Variants in CAST observed in about 807,000 individuals in gnomAD.
CAST encodes the protein calpastatin, also known as MIR583 host.
A neutral mutation model predicts 119.6 loss-of-function variants in CAST; 76 were observed. The ratio of observed to expected loss-of-function variants is 0.64; its 90% CI spans 0.53 to 0.77. The LOEUF is 0.77. Ranked by LOEUF, CAST falls within the 30% of genes least tolerant of loss-of-function variation. The pLI, the probability that CAST is intolerant of heterozygous loss-of-function variation, is 0.00. For synonymous variants in CAST, 319 were observed against 331.6 expected (o/e 0.96, Z 0.41); for missense variants, 953 against 946.5 (o/e 1.01, Z -0.09).
At chr5:96,256,017 T>C in the CAST span, among the ~76,000 whole-genome samples, 3 of 152,018 alleles carry the variant, frequency 2.0e-5, no homozygotes, top group African/African-American at 7.2e-5. Context: ...GAGAGCATTC[T>C]GACTGAGAAA....
intron 1 of CAST, among the ~76,000 whole-genome samples, chr5:96,673,352 T>C (rs538899952): frequency 2.0e-5 from 3 of 152,322 alleles, no homozygotes. Flanking sequence ...AATTGGGCAG[T>C]ACTGAAAATC....
intron 1 of CAST, among the ~76,000 whole-genome samples, chr5:96,652,606 G>C (rs376051132): frequency 2.2e-4 from 33 of 152,320 alleles, no homozygotes; most frequent in African/African-American, 7.5e-4. Flanking sequence ...CTGTGTCACA[G>C]AGCCTCCTGA....
At chr5:96,763,394 A>G (rs979336163) in intron 25 of CAST, among the ~76,000 whole-genome samples, 2 of 152,236 alleles carry the variant, frequency 1.3e-5, no homozygotes, top group African/African-American at 4.8e-5. Context: ...AAACACACCC[A>G]CAATGAAGAA....
At chr5:96,585,577 G>T (rs1374652579) in intron 1 of CAST, among the ~76,000 whole-genome samples, 1 of 152,088 alleles carries the variant, frequency 6.6e-6, no homozygotes, top group Non-Finnish European at 1.5e-5. Flanking sequence ...AGCAATATGT[G>T]TTTAGAATGA....
At chr5:96,410,265 C>T in the CAST span, among the ~76,000 whole-genome samples, 3 of 152,142 alleles carry the variant, frequency 2.0e-5, no homozygotes, top group Non-Finnish European at 4.4e-5. Context: ...TACCCAGATG[C>T]TGAGCAGTTC....
the CAST span, among the ~76,000 whole-genome samples, chr5:96,013,499 C>A: frequency 6.6e-6 from 1 of 152,048 alleles, no homozygotes; most frequent in South Asian, 2.1e-4. Flanking sequence ...ATTGATGGTG[C>A]TGGGTTTGTT....
chr5:96,213,825 C>T, the CAST span: 5 of 152,038 alleles, frequency 3.3e-5, no homozygotes, highest in African/African-American at 1.2e-4. Context: ...AGGTCAATCC[C>T]GTTCCATTCC....
intron 1 of CAST, among the ~76,000 whole-genome samples, chr5:96,572,518 T>G (rs1199260248): frequency 7.8e-6 from 1 of 128,884 alleles, no homozygotes; most frequent in Admixed American, 7.2e-5. Context: ...GTGCTATTTT[T>G]ATAACACTTC....
At chr5:95,998,742 G>C in the CAST span, among the ~76,000 whole-genome samples, 1 of 152,094 alleles carries the variant, frequency 6.6e-6, no homozygotes, top group Non-Finnish European at 1.5e-5. Context: ...CCTTGTGATA[G>C]AATGATTTCT....
chr5:96,493,031 A>C, the CAST span, among the ~76,000 whole-genome samples: 5 of 152,372 alleles, frequency 3.3e-5, no homozygotes, highest in African/African-American at 1.2e-4. Context: ...TAAAAGGTCA[A>C]TACAGTAAAG....
At chr5:96,767,389 A>G in intron 27 of CAST, 49 bp from the exon 28 acceptor site, 1 of 1,502,546 alleles carries the variant, frequency 6.7e-7, no homozygotes, top group Non-Finnish European at 9.3e-7. Flanking sequence ...AACCTAAGTA[A>G]ACCTTTACAG....
rs561755974 is a variant in CAST at position 96,552,787 on chromosome 5, T to A, written c.60+22907T>A. On this transcript the variant is annotated intron_variant, in intron 1 of 11. Coordinates refer to the CAST transcript ENST00000505143. Reference sequence around the variant, plus strand: ...TCAGAGAATACTATAAACACCTCTATGCAAATAAACTAGAAAATCTAAAAG... The same window carrying A: ...TCAGAGAATACTATAAACACCTCTAAGCAAATAAACTAGAAAATCTAAAAG... Among the ~76,000 whole-genome samples, 40 of 152,206 alleles carry A rather than the reference T, an allele frequency of 2.6e-4. No individual in the cohort carries two copies. The South Asian group carries it at 7.7e-3, about 29-fold the overall frequency.
At chr5:96,766,262 T>C in intron 27 of CAST, 117 bp downstream of exon 27, 1 of 616,358 alleles carries the variant, frequency 1.6e-6, no homozygotes. Flanking sequence ...ATACCATGAC[T>C]GACTGCTTCT....
At chr5:96,301,171 A>G in the CAST span, among the ~76,000 whole-genome samples, 1 of 152,174 alleles carries the variant, frequency 6.6e-6, no homozygotes. Flanking sequence ...CATGTCTGGA[A>G]CAGGAGGAAG....
the CAST span, among the ~76,000 whole-genome samples, chr5:96,441,629 A>T: frequency 6.6e-6 from 1 of 152,134 alleles, no homozygotes; most frequent in Non-Finnish European, 1.5e-5. Context: ...GGCACCTTAG[A>T]AAAAAAGGGA....
intron 1 of CAST, among the ~76,000 whole-genome samples, chr5:96,553,142 C>T (rs928075018): frequency 1.3e-5 from 2 of 152,154 alleles, no homozygotes; most frequent in Non-Finnish European, 2.9e-5. Flanking sequence ...CCCTGATGAA[C>T]ATCTATGGGA....
intron 16 of CAST, 121 bp downstream of exon 16, chr5:96,742,877 A>G: frequency 4.2e-6 from 3 of 712,556 alleles, no homozygotes; most frequent in Non-Finnish European, 5.0e-6. Context: ...AGCATTCTTC[A>G]TTGTGCCTTA....
At chr5:96,672,361 ATTC>A (rs1201219148) in intron 1 of CAST, among the ~76,000 whole-genome samples, 2 of 152,140 alleles carry the variant, frequency 1.3e-5, no homozygotes, top group African/African-American at 4.8e-5. Context: ...TCATTGTATT[ATTC>A]TTTCAACTTT....
the CAST span, among the ~76,000 whole-genome samples, chr5:96,256,518 G>A: frequency 8.6e-4 from 128 of 149,398 alleles, no homozygotes; most frequent in Non-Finnish European, 1.0e-3. Context: ...TCTGCTATGT[G>A]GGTAGGCTAT....
Sources: gnomAD v4.1 joint callset for allele counts (sites outside exome capture counted in the v4.1 genomes callset) on GRCh38, gnomAD v4.1.1 for gene constraint, MANE v1.5 for transcripts, NCBI Gene and HGNC (gene_info 2026-07-23, HGNC 2026-07-21) for gene names.